The following ITCH variants were observed in gnomAD, a reference collection of about 807,000 sequenced individuals.
ITCH encodes itchy E3 ubiquitin protein ligase.
In ITCH, 28 loss-of-function variants were observed where a neutral mutation model predicts 126.8. The ratio of observed to expected loss-of-function variants is 0.22; its 90% CI spans 0.16 to 0.30. The LOEUF is 0.30. Ranked by LOEUF, ITCH falls within the 10% of genes least tolerant of loss-of-function variation. The pLI is 1.00. For synonymous variants in ITCH, 342 were observed against 340.0 expected (o/e 1.01, Z -0.06); for missense variants, 631 against 1,032.4 (o/e 0.61, Z 5.33).
At chr20:34,465,827 T>C (rs1351389974) in intron 14 of ITCH, among the ~76,000 whole-genome samples, 1 of 152,180 alleles carries the variant, frequency 6.6e-6, no homozygotes, top group African/African-American at 2.4e-5. Context: ...AGTGTTTTCT[T>C]CGTAAAAGAT....
At chr20:34,483,708 A>G (rs775262790) in intron 20 of ITCH, among the ~76,000 whole-genome samples, 4 of 152,094 alleles carry the variant, frequency 2.6e-5, no homozygotes, top group Non-Finnish European at 5.9e-5. Flanking sequence ...GAGCCCTCCA[A>G]ACTGTTCCAA....
intron 14 of ITCH, among the ~76,000 whole-genome samples, chr20:34,463,846 G>A (rs1029325125): frequency 3.1e-4 from 47 of 151,196 alleles, no homozygotes; most frequent in African/African-American, 1.1e-3. Flanking sequence ...TATATTCTGG[G>A]TGTTAATCCC....
chr20:34,387,698 T>TA (rs1278730995), intron 2 of ITCH, among the ~76,000 whole-genome samples: 1 of 132,246 alleles, frequency 7.6e-6, no homozygotes, highest in Non-Finnish European at 1.6e-5. Context: ...AAAATATTGT[T>TA]ACTAGATTTT....
At chr20:34,485,533 A>T (rs1989042027) in intron 20 of ITCH, among the ~76,000 whole-genome samples, 1 of 151,964 alleles carries the variant, frequency 6.6e-6, no homozygotes, top group Non-Finnish European at 1.5e-5. Context: ...TTCTTTTGTG[A>T]TGTGTGTATC....
intron 3 of ITCH, 81 bp from the exon 4 acceptor site, chr20:34,408,570 T>G (rs576270614): frequency 3.0e-4 from 389 of 1,301,050 alleles, no homozygotes; most frequent in Non-Finnish European, 4.1e-4. Context: ...TTAGTAAATC[T>G]GCCTAATTAT....
intron 12 of ITCH, among the ~76,000 whole-genome samples, chr20:34,456,178 GTGTGTGTATATATA>G (rs1313681426): frequency 1.4e-4 from 5 of 34,514 alleles, no homozygotes; most frequent in South Asian, 3.0e-3. Flanking sequence ...GTGTGTGTGT[GTGTGTGTATATATA>G]TATATATATA....
Position 34,479,727 on chromosome 20 carries a change from G to A in ITCH, c.1756G>A (p.Ala586Thr), listed in dbSNP as rs753429065. The change falls in exon 18 of 25, where the codon GCT becomes ACT. Residue 586 changes from alanine to threonine, a missense_variant. Physicochemically the swap from Ala to Thr is moderately conservative, Grantham distance 58. Coordinates refer to ENST00000374864, the MANE Select transcript of ITCH (RefSeq NM_031483.7). ...TAACTACTGCTTGCAGATAAACCCC[G>A]CTTCTTACATCAATCCAGATCACCT... is the stretch of plus-strand genomic sequence containing the variant. Reference protein sequence around the residue: ...KDNYCLQINPASYINPDHLKY... With the variant: ...KDNYCLQINPTSYINPDHLKY... 7.4e-6 allele frequency: 12 copies of A among 1,613,842 alleles called. No individual in the cohort carries two copies. In the African/African-American group the frequency reaches 8.0e-5, roughly 11 times the overall value.
chr20:34,497,948 A>G (rs942152417), intron 23 of ITCH, among the ~76,000 whole-genome samples: 1 of 152,246 alleles, frequency 6.6e-6, no homozygotes, highest in African/African-American at 2.4e-5. Context: ...TTAGTGGAGT[A>G]TTAATTTTTC....
intron 12 of ITCH, among the ~76,000 whole-genome samples, chr20:34,452,507 T>TA (rs1470857874): frequency 3.9e-5 from 6 of 152,210 alleles, no homozygotes; most frequent in African/African-American, 1.4e-4. Context: ...GCATATACCT[T>TA]ACTTGTAGAA....
chr20:34,450,278 A>G (rs1312358738), intron 12 of ITCH, among the ~76,000 whole-genome samples: 1 of 152,180 alleles, frequency 6.6e-6, no homozygotes, highest in African/African-American at 2.4e-5. Context: ...CCTGTGAGTA[A>G]TAATTAATTC....
chr20:34,460,691 A>G (rs1986424852), intron 13 of ITCH, among the ~76,000 whole-genome samples: 1 of 152,046 alleles, frequency 6.6e-6, no homozygotes, highest in African/African-American at 2.4e-5. Flanking sequence ...AGGTATAAAG[A>G]TAGGTATTAA....
At chr20:34,406,323 C>A (rs2039056884) in intron 3 of ITCH, among the ~76,000 whole-genome samples, 1 of 152,118 alleles carries the variant, frequency 6.6e-6, no homozygotes, top group Non-Finnish European at 1.5e-5. Context: ...AACCACCATG[C>A]TTGATCTTGT....
intron 1 of ITCH, among the ~76,000 whole-genome samples, chr20:34,367,260 C>G (rs935756468): frequency 1.1e-4 from 17 of 152,106 alleles, no homozygotes; most frequent in African/African-American, 4.1e-4. Flanking sequence ...TCACTGCAAC[C>G]TCCACCTCCC....
intron 12 of ITCH, among the ~76,000 whole-genome samples, chr20:34,452,439 G>C (rs1312853260): frequency 7.2e-4 from 109 of 152,178 alleles, no homozygotes; most frequent in Non-Finnish European, 5.9e-5. Flanking sequence ...TAGTGCTACA[G>C]ATGTTTATGA....
intron 22 of ITCH, 37 bp downstream of exon 22, chr20:34,489,963 C>T (rs2146510027): frequency 1.3e-6 from 2 of 1,508,568 alleles, no homozygotes; most frequent in Middle Eastern, 2.0e-4. Context: ...GTTGACACAG[C>T]ATAATTTTTT....
intron 7 of ITCH, among the ~76,000 whole-genome samples, chr20:34,425,585 T>G (rs1469701511): frequency 6.6e-6 from 1 of 152,090 alleles, no homozygotes; most frequent in Admixed American, 6.6e-5. Flanking sequence ...TGGCTGGAGG[T>G]GAGATATGCT....
At chr20:34,439,167 A>C (rs1983417864) in intron 8 of ITCH, among the ~76,000 whole-genome samples, 1 of 152,252 alleles carries the variant, frequency 6.6e-6, no homozygotes, top group African/African-American at 2.4e-5. Flanking sequence ...CTCTGCTAAT[A>C]TGTGGGCAGG....
chr20:34,456,176 G>GTA, intron 12 of ITCH, among the ~76,000 whole-genome samples: 4 of 34,154 alleles, frequency 1.2e-4, no homozygotes, highest in African/African-American at 9.2e-4. Flanking sequence ...GTGTGTGTGT[G>GTA]TGTGTGTGTA....
At chr20:34,476,566 C>G in intron 16 of ITCH, 1 of 736,300 alleles carries the variant, frequency 1.4e-6, no homozygotes. Flanking sequence ...CTAGCCTATA[C>G]TATTTGTAGA....
Sources: gnomAD v4.1 joint callset for allele counts (sites outside exome capture counted in the v4.1 genomes callset) on GRCh38, gnomAD v4.1.1 for gene constraint, MANE v1.5 for transcripts, NCBI Gene and HGNC (gene_info 2026-07-23, HGNC 2026-07-21) for gene names.